Variants in EPG5 observed in about 807,000 individuals in gnomAD.
The protein encoded by EPG5 is ectopic P-granules 5 autophagy tethering factor, also known as ectopic P granules protein 5 homolog.
In EPG5, 159 loss-of-function variants were observed where a neutral mutation model predicts 302.7. The ratio of observed to expected loss-of-function variants is 0.53; its 90% CI spans 0.46 to 0.60. The LOEUF (loss-of-function observed/expected upper bound fraction) is 0.60, where lower values mean the gene tolerates loss of function less well. EPG5 is among the 20% of genes least tolerant of loss of function. The probability of loss-of-function intolerance (pLI) is 0.00; values close to 1 mark genes in which losing one functional copy is unlikely to be tolerated. For missense variants in EPG5, 2,896 were observed against 3,092.4 expected (o/e 0.94, Z 1.51); for synonymous variants, 1,158 against 1,136.8 (o/e 1.02, Z -0.37).
rs1346371913 is a variant in EPG5 at position 45,913,795 on chromosome 18, A to C, written c.3727T>G (p.Ser1243Ala). The C allele has an allele frequency of 6.2e-7, 1 of 1,614,012 alleles. No individual in the cohort carries two copies. Among genetic ancestry groups the C allele is most frequent in the East Asian group, 2.2e-5 (1 of 44,886 alleles). The stretch of plus-strand genomic sequence containing the variant: ...AGCTGGGAGTCCTCTTCAAAGATGG[A>C]TTCCATGTTGAGCACTGTCCAGGCA... ...WFAWTVLNME[S>A]IFEEDSQLRR... Residue 1243 changes from serine to alanine, a missense_variant, in exon 21 of 44, where the codon TCC becomes GCC. Transcript: ENST00000282041.
intron 6 of EPG5, among the ~76,000 whole-genome samples, chr18:45,947,945 T>C (rs1027680220): frequency 5.9e-5 from 9 of 152,108 alleles, no homozygotes; most frequent in African/African-American, 1.9e-4. Flanking sequence ...CGGCTAATTT[T>C]TGTATTTTTA....
At chr18:45,856,911 C>T (rs1344509959) in intron 42 of EPG5, among the ~76,000 whole-genome samples, 1 of 152,020 alleles carries the variant, frequency 6.6e-6, no homozygotes, top group Non-Finnish European at 1.5e-5. Context: ...ACCAACAGGC[C>T]TTTTATTCAT....
chr18:45,837,602 C>A, the EPG5 span: 1 of 1,510,816 alleles, frequency 6.6e-7, no homozygotes, highest in Non-Finnish European at 8.8e-7. Flanking sequence ...CACCTTCACG[C>A]ACCCGCACCG....
At chr18:45,897,808 T>C (rs1011562468) in intron 27 of EPG5, among the ~76,000 whole-genome samples, 1 of 152,160 alleles carries the variant, frequency 6.6e-6, no homozygotes, top group Non-Finnish European at 1.5e-5. Flanking sequence ...AGACATTTTG[T>C]AGAAAAGAGT....
chr18:45,957,180 A>T (rs1451613379), intron 1 of EPG5, among the ~76,000 whole-genome samples: 1 of 152,124 alleles, frequency 6.6e-6, no homozygotes, highest in African/African-American at 2.4e-5. Flanking sequence ...GGGCCTTTAT[A>T]TATTAAAAAG....
At chr18:45,923,169 G>A in intron 15 of EPG5, 99 bp downstream of exon 15, 1 of 1,288,406 alleles carries the variant, frequency 7.8e-7, no homozygotes. Context: ...AATGTTCTTA[G>A]GATACCTAAT....
intron 16 of EPG5, among the ~76,000 whole-genome samples, chr18:45,919,814 C>T (rs2050115902): frequency 1.3e-5 from 2 of 152,040 alleles, no homozygotes; most frequent in African/African-American, 4.8e-5. Flanking sequence ...ACCCGGCCTA[C>T]ATGTGCTCTG....
chr18:45,921,344 G>T (rs1284999000), intron 16 of EPG5, among the ~76,000 whole-genome samples: 2 of 152,166 alleles, frequency 1.3e-5, no homozygotes, highest in African/African-American at 4.8e-5. Flanking sequence ...GAATCAGAAA[G>T]CAGAGGTCAA....
At chr18:45,961,510 T>A (rs2051148955) in intron 1 of EPG5, among the ~76,000 whole-genome samples, 1 of 152,094 alleles carries the variant, frequency 6.6e-6, no homozygotes, top group Non-Finnish European at 1.5e-5. Flanking sequence ...TCCCCCAATA[T>A]CCACATAGTG....
intron 43 of EPG5, among the ~76,000 whole-genome samples, chr18:45,852,963 G>A (rs1300111022): frequency 6.6e-6 from 1 of 152,134 alleles, no homozygotes; most frequent in Non-Finnish European, 1.5e-5. Flanking sequence ...GTTGCTGGGC[G>A]CCTCACCTGC....
chr18:45,885,808 C>T (rs1394689181), intron 29 of EPG5, among the ~76,000 whole-genome samples: 1 of 151,850 alleles, frequency 6.6e-6, no homozygotes, highest in East Asian at 1.9e-4. Flanking sequence ...ATTCCAGATG[C>T]CAGGTTAATA....
the EPG5 span, among the ~76,000 whole-genome samples, chr18:45,822,350 A>G: frequency 2.0e-5 from 3 of 152,228 alleles, no homozygotes; most frequent in Admixed American, 6.5e-5. Flanking sequence ...AGTTGATCTC[A>G]TAGAAGTAAA....
chr18:45,805,101 T>C, the EPG5 span, among the ~76,000 whole-genome samples: 5 of 151,984 alleles, frequency 3.3e-5, no homozygotes, highest in African/African-American at 1.2e-4. Context: ...AGAAAAAACA[T>C]TAATATGTAA....
chr18:45,857,081 G>A lies in EPG5; in HGVS notation c.7442+772C>T, dbSNP rs143068735. 8.5e-3 allele frequency among the ~76,000 whole-genome samples: 1,286 copies of A among 151,372 alleles called. 10 individuals carry two copies. The highest frequency in any genetic ancestry group is 0.013 in the Non-Finnish European group (855 of 67,942). On this transcript the variant is annotated intron_variant, in intron 42 of 43. Transcript: ENST00000282041. Reference sequence around the variant, plus strand: ...CTACAGGTGCTTGCCACCACACCCAGCTAATTTTTATATTTGTGTTTATTT... The same window carrying A: ...CTACAGGTGCTTGCCACCACACCCAACTAATTTTTATATTTGTGTTTATTT...
intron 1 of EPG5, among the ~76,000 whole-genome samples, chr18:45,965,170 G>A (rs1385864298): frequency 6.6e-6 from 1 of 152,130 alleles, no homozygotes; most frequent in Non-Finnish European, 1.5e-5. Context: ...GCAGTTAGAG[G>A]TAATTATCCT....
chr18:45,807,098 C>T, the EPG5 span, among the ~76,000 whole-genome samples: 1 of 152,170 alleles, frequency 6.6e-6, no homozygotes, highest in Non-Finnish European at 1.5e-5. Context: ...AGACCTGTAA[C>T]TGCTGGCTTT....
At chr18:45,815,075 G>A in the EPG5 span, among the ~76,000 whole-genome samples, 1 of 152,162 alleles carries the variant, frequency 6.6e-6, no homozygotes, top group Non-Finnish European at 1.5e-5. Context: ...TTACAGTTGG[G>A]TAGACCTGCT....
chr18:45,922,481 C>T lies in EPG5; in HGVS notation c.2958G>A (p.Pro986=), dbSNP rs576591054. 1.7e-5 allele frequency: 28 copies of T among 1,614,158 alleles called. No homozygotes were observed. Among genetic ancestry groups the T allele is most frequent in the Admixed American group, 6.7e-5 (4 of 60,028 alleles). The part of the protein sequence containing the change: ...KLHKNDYGIQ[P]NCPAVPFSVT... ...CGGAGAAGGGAACAGCTGGACAATT[C>T]GGCTGTATTCCATAATCGTTTTTGT... is the stretch of plus-strand genomic sequence containing the variant. The change falls in exon 16 of 44, where the codon CCG becomes CCA. Residue 986 remains proline, a synonymous_variant. Transcript: ENST00000282041.
chr18:45,938,890 T>C (rs1038213394), intron 10 of EPG5, among the ~76,000 whole-genome samples: 1 of 152,126 alleles, frequency 6.6e-6, no homozygotes, highest in Admixed American at 6.5e-5. Flanking sequence ...AGAGGGAGTG[T>C]AGGCAGCTAG....
Sources: allele counts gnomAD v4.1 joint callset (sites outside exome capture counted in the v4.1 genomes callset), GRCh38; gene constraint gnomAD v4.1.1; transcripts MANE v1.5; gene names NCBI Gene and HGNC (gene_info 2026-07-23, HGNC 2026-07-21).